The following PIGN variants were observed in gnomAD, a reference collection of about 807,000 sequenced individuals.
PIGN encodes the protein phosphatidylinositol glycan anchor biosynthesis class N, also known as GPI ethanolamine phosphate transferase 1.
Under a neutral mutation model 125.4 loss-of-function variants are expected in PIGN, and 117 were observed. The ratio of observed to expected loss-of-function variants is 0.93; its 90% CI spans 0.80 to 1.09. PIGN has a LOEUF of 1.09. Among genes scored for constraint, PIGN ranks in the 50% least tolerant of loss-of-function variants. PIGN has a pLI of 0.00. For synonymous variants in PIGN, 392 were observed against 377.8 expected (o/e 1.04, Z -0.44); for missense variants, 1,075 against 1,094.9 (o/e 0.98, Z 0.26).
At position 62,079,431 on chromosome 18, in the gene PIGN, T is replaced by C. The variant is rs546712639; in HGVS notation, c.2576+3242A>G. Among the ~76,000 whole-genome samples the C allele has an allele frequency of 9.2e-5, 14 of 152,342 alleles. 1 individual carries two copies. Among genetic ancestry groups the C allele is most frequent in the Middle Eastern group, 3.4e-3 (1 of 294 alleles). ...GAATGAATAGTAGGAGAAATTAGCA[T>C]AAAATAAAACTGAAAATGGCTAATG... On this transcript the variant is annotated intron_variant, in intron 28 of 30. Transcript: ENST00000640252.
chr18:62,157,233 G>A lies in PIGN; in HGVS notation c.344-6C>T. On this transcript the variant is annotated splice_polypyrimidine_tract_variant and splice_region_variant and intron_variant, in intron 5 of 30. Coordinates refer to ENST00000640252, the MANE Select transcript of PIGN (RefSeq NM_176787.5). ...TACAGGATTTTCCTTCCATCCTTCA[G>A]AAAGCAAGCAAGCAGTAATAGTTAT... 6.6e-7 allele frequency: 1 copy of A among 1,513,228 alleles called. No individual in the cohort carries two copies. Among genetic ancestry groups the A allele is most frequent in the Non-Finnish European group, 9.1e-7 (1 of 1,092,938 alleles). 93.7% of individuals were successfully genotyped at this position (1,513,228 alleles called of 1,614,324 possible).
intron 28 of PIGN, among the ~76,000 whole-genome samples, chr18:62,078,005 A>T (rs774425085): frequency 3.9e-5 from 6 of 152,174 alleles, no homozygotes; most frequent in Non-Finnish European, 8.8e-5. Context: ...GACATCAGTC[A>T]TATTGGACTA....
Position 62,148,330 on chromosome 18 carries a change from A to G in PIGN, c.558T>C (p.Phe186=). 2.6e-6 allele frequency: 4 copies of G among 1,512,494 alleles called. No homozygotes were observed. The highest frequency in any genetic ancestry group is 3.6e-6 in the Non-Finnish European group (4 of 1,123,936). The allele number at this position is 1,512,494 out of a possible 1,614,324, so 93.7% of individuals were successfully genotyped here. Residue 186 remains phenylalanine (F), a synonymous_variant, in exon 8 of 31, where the codon TTT becomes TTC. Transcript: ENST00000640252. ...AAGACTGGTTGTTTCTGGCATGATG[A>G]AAGAAGTCCTACATATAACAAATGA... is the stretch of plus-strand genomic sequence containing the variant. ...TWVFDNVKDF[F]HHARNNQSLF...
At chr18:62,151,097 A>T (rs951283198) in intron 7 of PIGN, among the ~76,000 whole-genome samples, 4 of 152,188 alleles carry the variant, frequency 2.6e-5, no homozygotes, top group Non-Finnish European at 5.9e-5. Flanking sequence ...AACACTACTA[A>T]ATTACAGATG....
intron 22 of PIGN, among the ~76,000 whole-genome samples, chr18:62,098,825 T>G (rs1414754502): frequency 6.6e-6 from 1 of 152,118 alleles, no homozygotes; most frequent in Non-Finnish European, 1.5e-5. Context: ...ACTTTCATGT[T>G]TGGTGAACAA....
rs61508545 is a variant in PIGN at position 62,071,863 on chromosome 18, CATATATATATATATATATATAT to C, written c.2672+788_2672+809del. Among the ~76,000 whole-genome samples, 667 of 77,618 alleles carry C rather than the reference CATATATATATATATATATATAT, an allele frequency of 8.6e-3. 10 individuals carry two copies. Among genetic ancestry groups the C allele is most frequent in the South Asian group, 0.052 (93 of 1,774 alleles). 50.9% of individuals were successfully genotyped at this position (77,618 alleles called of 152,430 possible). On this transcript the variant is annotated intron_variant, in intron 30 of 30. Transcript: ENST00000640252. ...CGTTTTTTAGACTGTACTCCTTTTC[CATATATATATATATATATATAT>C]ATATATATATATATATATATATATA... is the stretch of plus-strand genomic sequence containing the variant.
downstream of PIGN, among the ~76,000 whole-genome samples, chr18:62,038,302 C>T (rs1261777218): frequency 8.0e-6 from 1 of 125,124 alleles, no homozygotes; most frequent in Non-Finnish European, 1.7e-5. Flanking sequence ...TTCAATCCCC[C>T]TCCGTGTTTT....
Position 62,157,803 on chromosome 18 carries a change from A to T in PIGN, c.227T>A (p.Ile76Asn), listed in dbSNP as rs757988036. Residue 76 changes from isoleucine to asparagine, a missense_variant, in exon 5 of 31, where the codon ATC (isoleucine) becomes AAC (asparagine). Physicochemically the swap from Ile to Asn is moderately radical, Grantham distance 149. Coordinates refer to ENST00000640252, the MANE Select transcript of PIGN (RefSeq NM_176787.5). ...GCCCCAGCTGCCTTCATGCATTATG[A>T]TATTCCTAAAAGATATTAAAGACAA... is the stretch of plus-strand genomic sequence containing the variant. ...GNSRAPFIRNIIMHEGSWGIS... is the reference protein window; with the variant it reads ...GNSRAPFIRNNIMHEGSWGIS... 6.2e-7 allele frequency: 1 copy of T among 1,609,816 alleles called. No homozygotes were observed. The highest frequency in any genetic ancestry group is 1.7e-5 in the Admixed American group (1 of 59,656).
intron 13 of PIGN, 31 bp from the exon 14 acceptor site, chr18:62,138,329 G>A (rs2036010445): frequency 6.6e-7 from 1 of 1,514,000 alleles, no homozygotes; most frequent in Non-Finnish European, 8.8e-7. Context: ...TATTACAAAT[G>A]AGAAAAATAA....
chr18:62,084,882 T>G (rs959796542), intron 26 of PIGN, among the ~76,000 whole-genome samples: 1 of 151,974 alleles, frequency 6.6e-6, no homozygotes, highest in Admixed American at 6.5e-5. Flanking sequence ...CTGAGGCGGG[T>G]GGATCACCTG....
intron 6 of PIGN, among the ~76,000 whole-genome samples, chr18:62,156,758 T>G (rs2036750112): frequency 6.6e-6 from 1 of 152,226 alleles, no homozygotes; most frequent in African/African-American, 2.4e-5. Context: ...ATATTTCACA[T>G]GAATTACATA....
chr18:62,119,082 C>A (rs1304203577), intron 14 of PIGN, among the ~76,000 whole-genome samples: 3 of 151,978 alleles, frequency 2.0e-5, no homozygotes, highest in South Asian at 2.1e-4. Flanking sequence ...TGAGATACTA[C>A]ACTCTAAGAA....
At position 62,084,615 on chromosome 18, in the gene PIGN, T is replaced by C. The variant is rs1389535822; in HGVS notation, c.2427-9A>G. 2 of 1,524,852 alleles carry C rather than the reference T, an allele frequency of 1.3e-6. No individual in the cohort carries two copies. Among genetic ancestry groups the C allele is most frequent in the African/African-American group, 1.4e-5 (1 of 72,498 alleles). The allele number at this position is 1,524,852 out of a possible 1,614,324, so 94.5% of individuals were successfully genotyped here. On this transcript the variant is annotated splice_polypyrimidine_tract_variant and intron_variant, in intron 26 of 30. Coordinates refer to ENST00000640252, the MANE Select transcript of PIGN (RefSeq NM_176787.5). Reference sequence around the variant, plus strand: ...CAGAGGCAAGATCAAAGCTAGGGAATTATAACAAGGAAAAAGAATTTAGAA... The same window carrying C: ...CAGAGGCAAGATCAAAGCTAGGGAACTATAACAAGGAAAAAGAATTTAGAA...
intron 14 of PIGN, among the ~76,000 whole-genome samples, chr18:62,125,404 G>C (rs1266386364): frequency 6.6e-6 from 1 of 151,862 alleles, no homozygotes; most frequent in African/African-American, 2.4e-5. Flanking sequence ...AACATTTAAT[G>C]GTTGCATAGT....
At chr18:62,181,628 TCTTGAACTCCTGGG>T (rs2037720008) in intron 1 of PIGN, among the ~76,000 whole-genome samples, 1 of 152,098 alleles carries the variant, frequency 6.6e-6, no homozygotes, top group Admixed American at 6.5e-5. Flanking sequence ...CCCAGGCTGG[TCTTGAACTCCTGGG>T]CTCAAGTCAT....
At chr18:62,114,365 A>G (rs1485355585) in intron 15 of PIGN, among the ~76,000 whole-genome samples, 196 bp downstream of exon 15, 2 of 152,026 alleles carry the variant, frequency 1.3e-5, no homozygotes, top group African/African-American at 4.8e-5. Flanking sequence ...GTCTCAAAAA[A>G]AAAAAAAAAA....
chr18:62,173,035 A>G (rs1335902628), intron 1 of PIGN, among the ~76,000 whole-genome samples: 3 of 152,236 alleles, frequency 2.0e-5, no homozygotes, highest in Non-Finnish European at 4.4e-5. Context: ...TTTTAAAATC[A>G]ACCTGTAAAT....
At position 62,084,937 on chromosome 18, in the gene PIGN, G is replaced by A. The variant is rs13313616; in HGVS notation, c.2426+272C>T. The stretch of plus-strand genomic sequence containing the variant: ...AGCCTGACCAACATAGTGAAACCCC[G>A]TCTCTACTAAAAATACAAAAATTAG... On this transcript the variant is annotated intron_variant, in intron 26 of 30. Transcript: ENST00000640252. Among the ~76,000 whole-genome samples, 25,712 of 151,976 alleles carry A rather than the reference G, an allele frequency of 0.17. 2,935 individuals are homozygous for A. Among genetic ancestry groups the A allele is most frequent in the Middle Eastern group, 0.28 (83 of 294 alleles).
intron 14 of PIGN, among the ~76,000 whole-genome samples, chr18:62,124,852 G>A (rs1037380828): frequency 3.3e-5 from 5 of 151,968 alleles, no homozygotes; most frequent in Admixed American, 3.3e-4. Flanking sequence ...GTGCCTTTAT[G>A]TAAACCTATT....
Sources: allele counts gnomAD v4.1 joint callset (sites outside exome capture counted in the v4.1 genomes callset), GRCh38; gene constraint gnomAD v4.1.1; transcripts MANE v1.5; gene names NCBI Gene and HGNC (gene_info 2026-07-23, HGNC 2026-07-21).